Variants in CIMAP1D observed in about 807,000 individuals in gnomAD.
CIMAP1D encodes protein CIMAP1D.
chr19:478,022 C>T, the CIMAP1D span, among the ~76,000 whole-genome samples: 1 of 152,246 alleles, frequency 6.6e-6, no homozygotes, highest in African/African-American at 2.4e-5. Flanking sequence ...TGGCCCCTTC[C>T]TCGGTCACGA....
At chr19:484,051 G>C in the CIMAP1D span, among the ~76,000 whole-genome samples, 1,471 of 152,234 alleles carry the variant, frequency 9.7e-3, 10 homozygotes, top group Non-Finnish European at 0.016. Flanking sequence ...AGAGCTTCTA[G>C]GCTGCTTCTA....
the CIMAP1D span, among the ~76,000 whole-genome samples, chr19:491,515 T>C: frequency 1.3e-5 from 2 of 151,968 alleles, no homozygotes; most frequent in Non-Finnish European, 2.9e-5. Context: ...CTTTGACCCG[T>C]GAGACAGGGC....
chr19:474,324 C>T, the CIMAP1D span, among the ~76,000 whole-genome samples: 1 of 152,226 alleles, frequency 6.6e-6, no homozygotes, highest in Non-Finnish European at 1.5e-5. Flanking sequence ...ATATTCCCTC[C>T]TCCCCGCGTC....
chr19:479,942 T>C, the CIMAP1D span, among the ~76,000 whole-genome samples: 5 of 152,264 alleles, frequency 3.3e-5, no homozygotes, highest in African/African-American at 1.2e-4. Context: ...TTGTTTCTTG[T>C]TATCATTTTC....
At chr19:478,087 C>T in the CIMAP1D span, among the ~76,000 whole-genome samples, 2 of 152,218 alleles carry the variant, frequency 1.3e-5, no homozygotes, top group South Asian at 2.1e-4. Context: ...ACCATTTGCT[C>T]GTTTCCAGAG....
At chr19:477,457 C>G in the CIMAP1D span, among the ~76,000 whole-genome samples, 1 of 151,942 alleles carries the variant, frequency 6.6e-6, no homozygotes, top group Non-Finnish European at 1.5e-5. Context: ...GTCTGTAATC[C>G]CAGCCACACA....
At chr19:469,690 CAAAAAGAAAAAG>C in the CIMAP1D span, among the ~76,000 whole-genome samples, 40 of 151,308 alleles carry the variant, frequency 2.6e-4, no homozygotes, top group African/African-American at 9.2e-4. Flanking sequence ...GACTCAGTCT[CAAAAAGAAAAAG>C]AAAAAGAAAA....
chr19:479,168 G>A, the CIMAP1D span, among the ~76,000 whole-genome samples: 5 of 152,140 alleles, frequency 3.3e-5, no homozygotes, highest in East Asian at 3.9e-4. Flanking sequence ...TGCGTCTGCC[G>A]TGCAGAAGGG....
At chr19:470,563 A>G in the CIMAP1D span, among the ~76,000 whole-genome samples, 1 of 152,056 alleles carries the variant, frequency 6.6e-6, no homozygotes, top group Non-Finnish European at 1.5e-5. Flanking sequence ...TGACGCCTTC[A>G]CTGGCATTCT....
At chr19:489,313 C>A in the CIMAP1D span, 1 of 146,376 alleles carries the variant, frequency 6.8e-6, no homozygotes. Flanking sequence ...CCTCGCAGGC[C>A]GAGCCCCGAC....
the CIMAP1D span, among the ~76,000 whole-genome samples, chr19:480,668 A>AGAAGGATGATGGGGAAGGATGATGGG: frequency 8.7e-5 from 11 of 126,056 alleles, no homozygotes; most frequent in African/African-American, 9.2e-5. Context: ...AGGATGATGG[A>AGAAGGATGATGGGGAAGGATGATGGG]GAAGGATGAT....
At chr19:485,255 G>C in the CIMAP1D span, among the ~76,000 whole-genome samples, 8 of 152,310 alleles carry the variant, frequency 5.3e-5, 1 homozygote, top group Admixed American at 5.2e-4. Context: ...CGCACGATGA[G>C]GCACACACAG....
the CIMAP1D span, among the ~76,000 whole-genome samples, chr19:488,463 G>A: frequency 1.1e-4 from 17 of 152,262 alleles, no homozygotes; most frequent in South Asian, 2.7e-3. Context: ...CGGAGCTTGC[G>A]GTGAGCCGAG....
chr19:467,393 C>CA, the CIMAP1D span, among the ~76,000 whole-genome samples: 3 of 152,050 alleles, frequency 2.0e-5, no homozygotes, highest in Non-Finnish European at 2.9e-5. Flanking sequence ...CACCTCCTGA[C>CA]ACCTAGGCCA....
the CIMAP1D span, among the ~76,000 whole-genome samples, chr19:488,447 G>C: frequency 5.3e-4 from 80 of 152,322 alleles, no homozygotes; most frequent in Middle Eastern, 3.4e-3. Flanking sequence ...GCGTGAACCC[G>C]GGAGGCGGAG....
chr19:463,690 A>G, the CIMAP1D span: 1 of 1,089,902 alleles, frequency 9.2e-7, no homozygotes, highest in Non-Finnish European at 1.3e-6. Flanking sequence ...AGGGACTGGA[A>G]GGATCAGGTG....
the CIMAP1D span, among the ~76,000 whole-genome samples, chr19:466,756 G>A: frequency 7.4e-6 from 1 of 134,942 alleles, no homozygotes; most frequent in African/African-American, 2.9e-5. Context: ...TGGGTGGATG[G>A]TTGGGTGGGT....
the CIMAP1D span, among the ~76,000 whole-genome samples, chr19:488,623 G>A: frequency 0.019 from 2,876 of 148,832 alleles, 96 homozygotes; most frequent in South Asian, 0.13. Flanking sequence ...ACGGCCTCCC[G>A]GTGACCCTGA....
At chr19:488,501 G>A in the CIMAP1D span, among the ~76,000 whole-genome samples, 6 of 152,230 alleles carry the variant, frequency 3.9e-5, no homozygotes, top group Admixed American at 3.9e-4. Context: ...CAGCCTGGGC[G>A]ACAGAGCGAG....
Sources: allele counts gnomAD v4.1 joint callset (sites outside exome capture counted in the v4.1 genomes callset), GRCh38; gene constraint gnomAD v4.1.1; transcripts MANE v1.5; gene names NCBI Gene and HGNC (gene_info 2026-07-23, HGNC 2026-07-21).